DENND2C: variants seen among roughly 807,000 people sequenced by gnomAD.
The protein encoded by DENND2C is DENN domain-containing protein 2C.
DENND2C carries 72 observed loss-of-function variants against 112.4 expected under a neutral mutation model. The observed-to-expected ratio is 0.64, with a 90% CI of 0.53 to 0.78. The LOEUF is 0.78. Ranked by LOEUF, DENND2C falls within the 30% of genes least tolerant of loss-of-function variation. The pLI, the probability that DENND2C is intolerant of heterozygous loss-of-function variation, is 0.00. For synonymous variants in DENND2C, 329 were observed against 381.6 expected (o/e 0.86, Z 1.61); for missense variants, 992 against 1,113.8 (o/e 0.89, Z 1.56).
Position 114,620,559 on chromosome 1 carries a change from C to T in DENND2C, c.1227+1336G>A, listed in dbSNP as rs548208277. 1.2e-4 allele frequency among the ~76,000 whole-genome samples: 19 copies of T among 152,304 alleles called. No individual in the cohort carries two copies. In the South Asian group the frequency reaches 3.9e-3, roughly 32 times the overall value. ...TGCAATCCCTTAAGGTGTTTGCATT[C>T]TTCTCCCTATTAACACACAATTTGT... On this transcript the variant is annotated intron_variant, in intron 7 of 20. Coordinates refer to ENST00000393274, the MANE Select transcript of DENND2C (RefSeq NM_001256404.2).
At chr1:114,609,753 AT>A (rs916831310) in intron 9 of DENND2C, among the ~76,000 whole-genome samples, 4 of 152,202 alleles carry the variant, frequency 2.6e-5, no homozygotes, top group African/African-American at 9.6e-5. Flanking sequence ...GATACAATGC[AT>A]TCTGTCCCAA....
intron 3 of DENND2C, among the ~76,000 whole-genome samples, chr1:114,632,985 G>C (rs2101673861): frequency 6.6e-6 from 1 of 151,962 alleles, no homozygotes; most frequent in East Asian, 1.9e-4. Context: ...AAATATACAA[G>C]GCATATTTTT....
intron 1 of DENND2C, among the ~76,000 whole-genome samples, chr1:114,661,347 A>G (rs557706645): frequency 6.6e-6 from 1 of 152,292 alleles, no homozygotes. Flanking sequence ...CATGAGCACA[A>G]CTTCCATGAA....
chr1:114,656,776 A>T (rs1218404920), intron 1 of DENND2C, among the ~76,000 whole-genome samples: 4 of 151,824 alleles, frequency 2.6e-5, no homozygotes, highest in African/African-American at 9.7e-5. Context: ...GCTGGGTTAT[A>T]GAATAGGCAT....
chr1:114,607,844 C>G (rs1006809033), intron 10 of DENND2C, among the ~76,000 whole-genome samples: 4 of 152,246 alleles, frequency 2.6e-5, no homozygotes, highest in African/African-American at 9.6e-5. Context: ...TCACTAAATC[C>G]TTACTGATAA....
chr1:114,608,903 TTC>T, intron 9 of DENND2C, 30 bp from the exon 10 acceptor site: 1 of 1,612,956 alleles, frequency 6.2e-7, no homozygotes, highest in South Asian at 1.1e-5. Flanking sequence ...AAATGTTTTT[TTC>T]TCTGTAGCCC....
chr1:114,590,032 G>C (rs1470339988), intron 18 of DENND2C, among the ~76,000 whole-genome samples: 3 of 152,058 alleles, frequency 2.0e-5, no homozygotes, highest in Non-Finnish European at 4.4e-5. Flanking sequence ...GTATGTCTTT[G>C]AACGGTATAC....
chr1:114,660,295 A>T (rs1657457305), intron 1 of DENND2C, among the ~76,000 whole-genome samples: 1 of 152,238 alleles, frequency 6.6e-6, no homozygotes, highest in Non-Finnish European at 1.5e-5. Flanking sequence ...GTGCATACCA[A>T]AGCTTTGCAA....
Position 114,587,373 on chromosome 1 carries a change from A to T in DENND2C, c.2755+14T>A. On this transcript the variant is annotated intron_variant, in intron 20 of 20. Coordinates refer to ENST00000393274, the MANE Select transcript of DENND2C (RefSeq NM_001256404.2). ...TCAGCCACATTTATCTAACAGGAAA[A>T]CACAGCAACTAACCAAGACTCCGCA... The T allele has an allele frequency of 1.2e-6, 2 of 1,614,106 alleles. No individual in the cohort carries two copies. Among genetic ancestry groups the T allele is most frequent in the South Asian group, 1.1e-5 (1 of 91,082 alleles).
chr1:114,641,681 C>T (rs1349854390), intron 3 of DENND2C, among the ~76,000 whole-genome samples: 1 of 152,120 alleles, frequency 6.6e-6, no homozygotes, highest in Non-Finnish European at 1.5e-5. Flanking sequence ...GCTTCTTGTC[C>T]AGCCTGAAGA....
intron 8 of DENND2C, among the ~76,000 whole-genome samples, chr1:114,616,990 C>A (rs2101659882): frequency 6.6e-6 from 1 of 152,270 alleles, no homozygotes; most frequent in Non-Finnish European, 1.5e-5. Flanking sequence ...AAGAGAAAAT[C>A]AGACGAAGCA....
chr1:114,661,183 T>C (rs1460466804), intron 1 of DENND2C, among the ~76,000 whole-genome samples: 1 of 151,012 alleles, frequency 6.6e-6, no homozygotes, highest in African/African-American at 2.4e-5. Flanking sequence ...CAACTTACAA[T>C]ATCAGCGACC....
chr1:114,666,275 C>T (rs917351549), intron 1 of DENND2C, among the ~76,000 whole-genome samples: 1 of 152,122 alleles, frequency 6.6e-6, no homozygotes, highest in Non-Finnish European at 1.5e-5. Flanking sequence ...TATCTCCCTA[C>T]CTTTTGTCTC....
intron 7 of DENND2C, 26 bp downstream of exon 7, chr1:114,621,869 A>G (rs747443188): frequency 1.3e-6 from 2 of 1,549,900 alleles, no homozygotes; most frequent in Non-Finnish European, 1.7e-6. Context: ...GTAAGAGTCA[A>G]AGAATGAAAG....
intron 1 of DENND2C, among the ~76,000 whole-genome samples, chr1:114,661,057 G>A (rs987068975): frequency 1.3e-5 from 2 of 148,594 alleles, no homozygotes; most frequent in Admixed American, 1.4e-4. Flanking sequence ...GTTGCAGTGA[G>A]CCGGTATTGT....
intron 3 of DENND2C, among the ~76,000 whole-genome samples, chr1:114,631,181 G>C (rs759053315): frequency 2.0e-5 from 3 of 151,656 alleles, no homozygotes; most frequent in Non-Finnish European, 4.4e-5. Context: ...TTTGAGACCA[G>C]TCTGGCAAAC....
chr1:114,602,831 T>C (rs1301022081), intron 11 of DENND2C, among the ~76,000 whole-genome samples: 6 of 152,182 alleles, frequency 3.9e-5, no homozygotes, highest in Non-Finnish European at 8.8e-5. Context: ...CCCAAAGTGC[T>C]GGGATTATAG....
intron 1 of DENND2C, among the ~76,000 whole-genome samples, chr1:114,656,335 A>C (rs572553468): frequency 6.6e-6 from 1 of 152,096 alleles, no homozygotes; most frequent in Non-Finnish European, 1.5e-5. Context: ...CAGGCTCCCA[A>C]AGTGCTGGGA....
At chr1:114,646,528 T>C (rs992962994) in intron 2 of DENND2C, among the ~76,000 whole-genome samples, 1 of 152,178 alleles carries the variant, frequency 6.6e-6, no homozygotes, top group Non-Finnish European at 1.5e-5. Flanking sequence ...CTTGGACACA[T>C]ATGAACTGCT....
Sources: allele counts gnomAD v4.1 joint callset (sites outside exome capture counted in the v4.1 genomes callset), GRCh38; gene constraint gnomAD v4.1.1; transcripts MANE v1.5; gene names NCBI Gene and HGNC (gene_info 2026-07-23, HGNC 2026-07-21).